Variants in PLXDC2 observed in about 807,000 individuals in gnomAD.
The protein encoded by PLXDC2 is plexin domain containing 2, also known as plexin domain-containing protein 2.
Under a neutral mutation model 68.9 loss-of-function variants are expected in PLXDC2, and 40 were observed. The ratio of observed to expected loss-of-function variants is 0.58; its 90% CI spans 0.45 to 0.76. The LOEUF (loss-of-function observed/expected upper bound fraction) is 0.76, where lower values mean the gene tolerates loss of function less well. PLXDC2 is among the 30% of genes least tolerant of loss of function. The probability of loss-of-function intolerance (pLI) is 0.00; values close to 1 mark genes in which losing one functional copy is unlikely to be tolerated. For synonymous variants in PLXDC2, 243 were observed against 234.2 expected (o/e 1.04, Z -0.34); for missense variants, 644 against 661.9 (o/e 0.97, Z 0.30).
intron 1 of PLXDC2, among the ~76,000 whole-genome samples, chr10:19,938,044 C>G (rs1353395136): frequency 1.3e-5 from 2 of 152,086 alleles, no homozygotes; most frequent in Non-Finnish European, 2.9e-5. Context: ...AACTCATAAC[C>G]TCTATTTGCT....
chr10:19,953,511 A>G (rs949886482), intron 1 of PLXDC2, among the ~76,000 whole-genome samples: 5 of 152,236 alleles, frequency 3.3e-5, no homozygotes, highest in Admixed American at 6.5e-5. Flanking sequence ...GTTTTGAACA[A>G]TAAAACAGAA....
chr10:20,024,816 A>G (rs543032801), intron 2 of PLXDC2, among the ~76,000 whole-genome samples: 45 of 152,152 alleles, frequency 3.0e-4, no homozygotes, highest in African/African-American at 1.0e-3. Context: ...GAGAACATGC[A>G]GTATTTGTTT....
chr10:20,145,616 C>T (rs1834066033), intron 5 of PLXDC2, among the ~76,000 whole-genome samples: 1 of 152,174 alleles, frequency 6.6e-6, no homozygotes, highest in African/African-American at 2.4e-5. Flanking sequence ...CTGGCATGAT[C>T]TCTGCTCACT....
At chr10:20,158,193 A>T (rs1472353118) in intron 6 of PLXDC2, among the ~76,000 whole-genome samples, 3 of 152,122 alleles carry the variant, frequency 2.0e-5, no homozygotes, top group Non-Finnish European at 4.4e-5. Flanking sequence ...GGATAAGAAA[A>T]TCGCTTCCTG....
intron 1 of PLXDC2, among the ~76,000 whole-genome samples, chr10:19,884,193 G>A (rs112232029): frequency 8.0e-4 from 121 of 151,534 alleles, no homozygotes; most frequent in East Asian, 2.1e-3. Flanking sequence ...CACTGTGCCC[G>A]GCCTAAACTT....
Position 19,877,930 on chromosome 10 carries a change from G to C in PLXDC2, c.112+60739G>C, listed in dbSNP as rs73601624. ...TACTTAACAAAATGCCAGAAAGTAA[G>C]TGCCTTGGTGAGGCTTTAAGCAGCT... On this transcript the variant is annotated intron_variant, in intron 1 of 13. Coordinates refer to ENST00000377252, the MANE Select transcript of PLXDC2 (RefSeq NM_032812.9). 5.1e-3 allele frequency among the ~76,000 whole-genome samples: 782 copies of C among 152,274 alleles called. 3 individuals carry two copies. Among genetic ancestry groups the C allele is most frequent in the African/African-American group, 0.018 (729 of 41,540 alleles).
intron 6 of PLXDC2, among the ~76,000 whole-genome samples, chr10:20,148,653 T>A (rs1029641896): frequency 4.6e-5 from 7 of 152,170 alleles, no homozygotes; most frequent in African/African-American, 1.4e-4. Flanking sequence ...ACTACAAATG[T>A]AATGTTTTAG....
In PLXDC2 at chr10:19,817,083, G is replaced by T; in HGVS notation, c.4G>T (p.Ala2Ser). ...GTAGGGAGGTGGCGGCGGCGGCATG[G>T]CGAGGTTCCCGAAGGCCGACCTGGC... M[A>S]RFPKADLAAA... Residue 2 changes from alanine to serine, a missense_variant, in exon 1 of 14, where the codon GCG (alanine) becomes TCG (serine). Physicochemically the swap from Ala to Ser is moderately conservative, Grantham distance 99. Transcript: ENST00000377252. The T allele has an allele frequency of 6.5e-7, 1 of 1,550,130 alleles. No homozygotes were observed. The highest frequency in any genetic ancestry group is 8.7e-7 in the Non-Finnish European group (1 of 1,147,132).
At chr10:20,136,263 A>G in intron 4 of PLXDC2, among the ~76,000 whole-genome samples, 1 of 152,192 alleles carries the variant, frequency 6.6e-6, no homozygotes, top group Admixed American at 6.5e-5. Context: ...GTAGCAGCTG[A>G]CAGACAGTTA....
chr10:20,081,418 G>T (rs1836555679), intron 4 of PLXDC2, among the ~76,000 whole-genome samples: 1 of 140,918 alleles, frequency 7.1e-6, no homozygotes, highest in African/African-American at 2.8e-5. Context: ...GAAAAAAAAT[G>T]AAAAAAACAA....
At chr10:20,194,724 G>A (rs951561313) in intron 9 of PLXDC2, among the ~76,000 whole-genome samples, 2 of 151,616 alleles carry the variant, frequency 1.3e-5, no homozygotes, top group South Asian at 4.2e-4. Context: ...CCATGTTGGT[G>A]TGCTGCACCC....
chr10:19,867,064 CTTTTTT>C (rs61651939), intron 1 of PLXDC2, among the ~76,000 whole-genome samples: 1 of 124,710 alleles, frequency 8.0e-6, no homozygotes, highest in Non-Finnish European at 1.6e-5. Context: ...TCCTTTCCCT[CTTTTTT>C]TTTTTTTTTT....
At chr10:19,844,653 T>C (rs1836969403) in intron 1 of PLXDC2, among the ~76,000 whole-genome samples, 1 of 152,058 alleles carries the variant, frequency 6.6e-6, no homozygotes, top group Non-Finnish European at 1.5e-5. Context: ...TGGAGTGCAG[T>C]GGTGTGACCA....
intron 1 of PLXDC2, among the ~76,000 whole-genome samples, chr10:19,875,493 G>A (rs1185752683): frequency 1.3e-5 from 2 of 152,168 alleles, no homozygotes; most frequent in African/African-American, 4.8e-5. Context: ...GCCAGCTAAC[G>A]ACCTTGATAA....
rs919205203 is a variant in PLXDC2 at position 20,279,688 on chromosome 10, T to C, written c.1474-15T>C. On this transcript the variant is annotated splice_polypyrimidine_tract_variant and intron_variant, in intron 13 of 13. Coordinates refer to ENST00000377252, the MANE Select transcript of PLXDC2 (RefSeq NM_032812.9). The stretch of plus-strand genomic sequence containing the variant: ...CCCTGACGCACATTTTTTATTTTTG[T>C]GTTTTCTGTTTCAGAGACGCCCAAG... 1 of 1,608,372 alleles carries C rather than the reference T, an allele frequency of 6.2e-7. No individual in the cohort carries two copies. The highest frequency in any genetic ancestry group is 8.5e-7 in the Non-Finnish European group (1 of 1,175,716).
chr10:20,044,195 C>CCCTT (rs1249425939), intron 2 of PLXDC2, among the ~76,000 whole-genome samples: 11 of 129,832 alleles, frequency 8.5e-5, no homozygotes, highest in African/African-American at 3.2e-4. Context: ...CTTTCTTTCT[C>CCCTT]TCTCTCTCTC....
At chr10:19,822,226 A>C (rs532786432) in intron 1 of PLXDC2, among the ~76,000 whole-genome samples, 7 of 149,102 alleles carry the variant, frequency 4.7e-5, no homozygotes, top group Admixed American at 2.7e-4. Flanking sequence ...TATGCACTAC[A>C]TATGCAATAT....
intron 12 of PLXDC2, among the ~76,000 whole-genome samples, chr10:20,227,449 A>G (rs939194148): frequency 3.3e-5 from 5 of 152,130 alleles, no homozygotes; most frequent in African/African-American, 9.7e-5. Flanking sequence ...AATTTCAGGA[A>G]GGGGATTGAC....
intron 2 of PLXDC2, among the ~76,000 whole-genome samples, chr10:20,009,305 A>G (rs2131642933): frequency 6.6e-6 from 1 of 151,772 alleles, no homozygotes; most frequent in South Asian, 2.1e-4. Context: ...ATTTTTCAAA[A>G]GAAAGTATCC....
Sources: allele counts gnomAD v4.1 joint callset (sites outside exome capture counted in the v4.1 genomes callset), GRCh38; gene constraint gnomAD v4.1.1; transcripts MANE v1.5; gene names NCBI Gene and HGNC (gene_info 2026-07-23, HGNC 2026-07-21).